Variants in TNR observed in about 807,000 individuals in gnomAD.
TNR encodes the protein tenascin-R.
TNR carries 45 observed loss-of-function variants against 150.4 expected under a neutral mutation model. The observed-to-expected ratio is 0.30, with a 90% confidence interval of 0.24 to 0.38. TNR has a LOEUF of 0.38. Among genes scored for constraint, TNR ranks in the 10% least tolerant of loss-of-function variants. The pLI is 1.00. For synonymous variants in TNR, 687 were observed against 678.4 expected (o/e 1.01, Z -0.20); for missense variants, 1,544 against 1,759.1 (o/e 0.88, Z 2.19).
chr1:175,712,916 G>C (rs963950021), intron 1 of TNR, among the ~76,000 whole-genome samples: 1 of 152,136 alleles, frequency 6.6e-6, no homozygotes, highest in Non-Finnish European at 1.5e-5. Context: ...CTAGTACAGG[G>C]ACCTATTGCA....
At chr1:175,622,344 T>A (rs942951809) in intron 1 of TNR, among the ~76,000 whole-genome samples, 3 of 152,190 alleles carry the variant, frequency 2.0e-5, no homozygotes, top group African/African-American at 4.8e-5. Flanking sequence ...CCCATAGCAC[T>A]CATGCCAGTT....
intron 1 of TNR, among the ~76,000 whole-genome samples, chr1:175,573,333 C>T (rs1661963367): frequency 6.6e-6 from 1 of 152,222 alleles, no homozygotes. Context: ...TGCGGCTTTT[C>T]CAGGAAGCAG....
chr1:175,518,390 C>T (rs566113815), intron 2 of TNR, among the ~76,000 whole-genome samples: 34 of 152,298 alleles, frequency 2.2e-4, no homozygotes, highest in Admixed American at 1.8e-3. Flanking sequence ...GGTCTGTCCT[C>T]GATCCCATCC....
At chr1:175,654,106 T>C (rs561680596) in intron 1 of TNR, among the ~76,000 whole-genome samples, 1 of 152,214 alleles carries the variant, frequency 6.6e-6, no homozygotes, top group Non-Finnish European at 1.5e-5. Flanking sequence ...GGTTTGATGC[T>C]CCAACATATC....
chr1:175,344,051 A>C (rs1038329526), intron 18 of TNR, among the ~76,000 whole-genome samples: 1 of 152,236 alleles, frequency 6.6e-6, no homozygotes, highest in South Asian at 2.1e-4. Context: ...GCACTCCACA[A>C]GGTGAGAGTG....
At chr1:175,483,117 G>A (rs146314577) in intron 2 of TNR, among the ~76,000 whole-genome samples, 205 of 152,310 alleles carry the variant, frequency 1.3e-3, no homozygotes, top group African/African-American at 3.9e-3. Context: ...TGTGCCAGGC[G>A]CCAGTGGTAA....
intron 1 of TNR, among the ~76,000 whole-genome samples, chr1:175,630,072 G>A (rs950246783): frequency 2.0e-5 from 3 of 152,158 alleles, no homozygotes; most frequent in Non-Finnish European, 4.4e-5. Context: ...CTGGGGTCTG[G>A]AGACCTGCCT....
At chr1:175,469,929 G>T (rs1657209568) in intron 2 of TNR, among the ~76,000 whole-genome samples, 1 of 152,074 alleles carries the variant, frequency 6.6e-6, no homozygotes. Context: ...TAAGTGAGCA[G>T]CAGGATGGAA....
chr1:175,410,507 C>G (rs1405891791), intron 2 of TNR, among the ~76,000 whole-genome samples: 12 of 152,110 alleles, frequency 7.9e-5, no homozygotes, highest in Non-Finnish European at 1.2e-4. Flanking sequence ...GCAACTCTGC[C>G]GGGGGCTGCA....
In TNR at chr1:175,315,812, A is replaced by ATGTGTGTGTGTGTGTG. The variant is rs3030866; in HGVS notation, c.*7529_*7544dup. 2.7e-5 allele frequency: 4 copies of ATGTGTGTGTGTGTGTG among 146,968 alleles called. No individual in the cohort carries two copies. The highest frequency in any genetic ancestry group is 1.0e-4 in the African/African-American group (4 of 39,878). 9.1% of individuals were successfully genotyped at this position (146,968 alleles called of 1,614,324 possible). On this transcript the variant is annotated 3_prime_UTR_variant, in exon 23 of 23. Coordinates refer to ENST00000367674, the MANE Select transcript of TNR (RefSeq NM_003285.3). Reference sequence around the variant, plus strand: ...TGTGTGCATGCATGTGTGTGTGTGCATGTGTGTGTGTGTGTGTGTGTGTGT... The same window carrying ATGTGTGTGTGTGTGTG: ...TGTGTGCATGCATGTGTGTGTGTGCATGTGTGTGTGTGTGTGTGTGTGTGTGTGTGTGTGTGTGTGT...
At chr1:175,603,216 T>C (rs1663305636) in intron 1 of TNR, among the ~76,000 whole-genome samples, 1 of 152,168 alleles carries the variant, frequency 6.6e-6, no homozygotes, top group African/African-American at 2.4e-5. Context: ...GACAGAGACC[T>C]TTTTTTCTAG....
At chr1:175,508,074 C>T (rs1180707307) in intron 2 of TNR, among the ~76,000 whole-genome samples, 2 of 151,962 alleles carry the variant, frequency 1.3e-5, no homozygotes, top group African/African-American at 4.8e-5. Flanking sequence ...AACACATAGA[C>T]ACAGGGAGGG....
chr1:175,528,433 C>T (rs896385118), intron 1 of TNR, 64 bp from the exon 2 acceptor site: 8 of 152,168 alleles, frequency 5.3e-5, no homozygotes, highest in African/African-American at 1.9e-4. Context: ...ACCCTGGTTT[C>T]CCTTTCTATT....
At chr1:175,463,574 C>T (rs1039412470) in intron 2 of TNR, among the ~76,000 whole-genome samples, 6 of 152,184 alleles carry the variant, frequency 3.9e-5, no homozygotes, top group African/African-American at 1.4e-4. Flanking sequence ...CAGCAATGTC[C>T]AAAGTTTGGA....
At chr1:175,553,456 A>C (rs1029891766) in intron 1 of TNR, among the ~76,000 whole-genome samples, 1 of 152,142 alleles carries the variant, frequency 6.6e-6, no homozygotes, top group Non-Finnish European at 1.5e-5. Flanking sequence ...GCCGTTTACC[A>C]CTGGGGCCCT....
At chr1:175,535,329 C>T (rs567043306) in intron 1 of TNR, among the ~76,000 whole-genome samples, 4 of 152,370 alleles carry the variant, frequency 2.6e-5, no homozygotes, top group East Asian at 3.9e-4. Context: ...ACGAGCTCCA[C>T]GTCTCAACAG....
At chr1:175,634,727 C>T (rs1412072814) in intron 1 of TNR, among the ~76,000 whole-genome samples, 1 of 152,186 alleles carries the variant, frequency 6.6e-6, no homozygotes, top group Admixed American at 6.5e-5. Context: ...TGGAAAATGA[C>T]TTGCTTGTTG....
chr1:175,658,078 G>T (rs543496439), intron 1 of TNR, among the ~76,000 whole-genome samples: 22 of 151,838 alleles, frequency 1.4e-4, no homozygotes, highest in African/African-American at 5.1e-4. Flanking sequence ...AGCCCCAGGG[G>T]CCCTCAGCTC....
intron 1 of TNR, among the ~76,000 whole-genome samples, chr1:175,577,130 A>G (rs775265272): frequency 7.9e-5 from 12 of 152,226 alleles, no homozygotes; most frequent in Non-Finnish European, 1.8e-4. Context: ...GTAAGCATAT[A>G]TAGGGTACAA....
Sources: allele counts gnomAD v4.1 joint callset (sites outside exome capture counted in the v4.1 genomes callset), GRCh38; gene constraint gnomAD v4.1.1; transcripts MANE v1.5; gene names NCBI Gene and HGNC (gene_info 2026-07-23, HGNC 2026-07-21).